Variants in JAM3 observed in about 807,000 individuals in gnomAD.
The protein encoded by JAM3 is junctional adhesion molecule 3.
In JAM3, 31 loss-of-function variants were observed where a neutral mutation model predicts 39.4. The observed-to-expected ratio is 0.79, with a 90% CI of 0.59 to 1.06. The LOEUF (loss-of-function observed/expected upper bound fraction) is 1.06. Among genes scored for constraint, JAM3 ranks in the 50% least tolerant of loss-of-function variants. The pLI, the probability that JAM3 is intolerant of heterozygous loss-of-function variation, is 0.00. For missense variants in JAM3, 455 were observed against 391.4 expected, an observed-to-expected ratio of 1.16 and a Z score of -1.37; for synonymous variants, 182 against 148.7, an observed-to-expected ratio of 1.22 and a Z score of -1.63.
intron 1 of JAM3, among the ~76,000 whole-genome samples, chr11:134,082,385 G>C (rs572007301): frequency 1.1e-3 from 167 of 152,304 alleles, no homozygotes; most frequent in Non-Finnish European, 2.2e-3. Flanking sequence ...TTTGGGAGGG[G>C]CCAGGGGTGG....
chr11:134,079,356 G>T (rs955186603), intron 1 of JAM3, among the ~76,000 whole-genome samples: 1 of 152,090 alleles, frequency 6.6e-6, no homozygotes, highest in Non-Finnish European at 1.5e-5. Flanking sequence ...AGACATTCAG[G>T]GACAAAATAC....
At chr11:134,119,354 G>C (rs146297665) in intron 1 of JAM3, among the ~76,000 whole-genome samples, 27 of 152,326 alleles carry the variant, frequency 1.8e-4, no homozygotes, top group African/African-American at 6.3e-4. Flanking sequence ...ACATGGTACT[G>C]CTCTGACTCA....
intron 1 of JAM3, among the ~76,000 whole-genome samples, chr11:134,078,151 G>A (rs532989897): frequency 5.3e-5 from 8 of 151,764 alleles, no homozygotes; most frequent in East Asian, 2.0e-4. Context: ...CTGGAGTCTC[G>A]CTCTGTTGCC....
chr11:134,069,114 C>T lies in JAM3; in HGVS notation c.31C>T (p.Leu11Phe), dbSNP rs1246556822. The change falls in exon 1 of 9, where the codon CTC becomes TTC. Residue 11 changes from leucine to phenylalanine, a missense_variant. Physicochemically the swap from Leu to Phe is conservative, Grantham distance 22 (BLOSUM62 0). Coordinates refer to ENST00000299106, the MANE Select transcript of JAM3 (RefSeq NM_032801.5). MALRRPPRLR[L>F]CARLPDFFLL... ...GCTGAGGCGGCCACCGCGACTCCGG[C>T]TCTGCGCTCGGCTGCCTGACTTCTT... The T allele has an allele frequency of 6.2e-7, 1 of 1,612,386 alleles. No homozygotes were observed. The highest frequency in any genetic ancestry group is 1.3e-5 in the African/African-American group (1 of 74,772).
chr11:134,079,282 A>G (rs542821098), intron 1 of JAM3, among the ~76,000 whole-genome samples: 1 of 152,322 alleles, frequency 6.6e-6, no homozygotes, highest in East Asian at 1.9e-4. Flanking sequence ...AATTATAGCT[A>G]TTCCACACTA....
At chr11:134,075,716 C>G (rs767087441) in intron 1 of JAM3, among the ~76,000 whole-genome samples, 1 of 152,122 alleles carries the variant, frequency 6.6e-6, no homozygotes, top group Non-Finnish European at 1.5e-5. Flanking sequence ...CATACACCAC[C>G]ATGCCCTCCC....
At chr11:134,129,561 C>G (rs1942724606) in intron 1 of JAM3, among the ~76,000 whole-genome samples, 1 of 151,934 alleles carries the variant, frequency 6.6e-6, no homozygotes, top group Admixed American at 6.6e-5. Context: ...GTCATTGGTC[C>G]CTAGATAGCA....
chr11:134,111,219 C>T (rs1286912335), intron 1 of JAM3, among the ~76,000 whole-genome samples: 2 of 144,848 alleles, frequency 1.4e-5, no homozygotes, highest in South Asian at 2.2e-4. Flanking sequence ...TCTCGGCTCA[C>T]TGCAAGCTTC....
Position 134,150,224 on chromosome 11 carries a change from T to C in JAM3, c.*1043T>C, listed in dbSNP as rs973849631. 2.0e-5 allele frequency: 3 copies of C among 152,306 alleles called. No individual in the cohort carries two copies. Among genetic ancestry groups the C allele is most frequent in the African/African-American group, 7.2e-5 (3 of 41,458 alleles). The allele number at this position is 152,306 out of a possible 1,614,324, so 9.4% of individuals were successfully genotyped here. A position where few individuals can be genotyped will look rare whatever the true frequency, so the allele number is the denominator to read the frequency against. ...AGACCATAGTTGCTTAGGAAACCTT[T>C]AAAAATTCCAGTTAAGCAATGTTGA... On this transcript the variant is annotated 3_prime_UTR_variant, in exon 9 of 9. Coordinates refer to ENST00000299106, the MANE Select transcript of JAM3 (RefSeq NM_032801.5).
At chr11:134,113,435 A>C (rs534513586) in intron 1 of JAM3, among the ~76,000 whole-genome samples, 1 of 152,230 alleles carries the variant, frequency 6.6e-6, no homozygotes, top group South Asian at 2.1e-4. Context: ...GAGTGAGAAC[A>C]CGCGGTGTTT....
intron 1 of JAM3, among the ~76,000 whole-genome samples, chr11:134,105,530 G>T (rs1409243128): frequency 3.9e-5 from 6 of 152,026 alleles, no homozygotes; most frequent in Non-Finnish European, 5.9e-5. Context: ...AGAAATAAAG[G>T]GTATTCAATT....
At chr11:134,112,111 G>A (rs1421906554) in intron 1 of JAM3, among the ~76,000 whole-genome samples, 1 of 152,212 alleles carries the variant, frequency 6.6e-6, no homozygotes, top group African/African-American at 2.4e-5. Flanking sequence ...TATTGAGACA[G>A]AGCCTCGCTC....
chr11:134,139,594 G>C (rs1209269627), intron 1 of JAM3: 1 of 500,452 alleles, frequency 2.0e-6, no homozygotes, highest in Non-Finnish European at 3.6e-6. Flanking sequence ...AAAGCTCTGA[G>C]GGCTTTGTTC....
intron 1 of JAM3, among the ~76,000 whole-genome samples, chr11:134,096,504 T>A (rs970670898): frequency 2.0e-5 from 3 of 152,192 alleles, no homozygotes; most frequent in African/African-American, 7.2e-5. Flanking sequence ...AGTGTTTTAT[T>A]ATGTTATGTT....
chr11:134,115,095 TTTA>T (rs1371127353), intron 1 of JAM3, among the ~76,000 whole-genome samples: 4 of 152,244 alleles, frequency 2.6e-5, no homozygotes, highest in African/African-American at 9.6e-5. Context: ...GATTTTTAAA[TTTA>T]TTGTTATGAA....
At chr11:134,108,818 A>G (rs1251876498) in intron 1 of JAM3, among the ~76,000 whole-genome samples, 1 of 152,202 alleles carries the variant, frequency 6.6e-6, no homozygotes, top group Non-Finnish European at 1.5e-5. Context: ...ACAGAGGTAA[A>G]TCAATAAACC....
At chr11:134,128,018 G>T (rs963090037) in intron 1 of JAM3, among the ~76,000 whole-genome samples, 7 of 152,094 alleles carry the variant, frequency 4.6e-5, no homozygotes, top group African/African-American at 1.2e-4. Flanking sequence ...TCAAACAGTG[G>T]TTTTTTTGTT....
intron 5 of JAM3, 157 bp downstream of exon 5, chr11:134,145,151 T>C (rs1943049010): frequency 1.6e-6 from 1 of 622,666 alleles, no homozygotes; most frequent in Non-Finnish European, 2.9e-6. Context: ...ATGACCCTTC[T>C]TCCTTTTATA....
At chr11:134,140,634 T>A (rs1942956983) in intron 2 of JAM3, 23 bp from the exon 3 acceptor site, 1 of 1,590,272 alleles carries the variant, frequency 6.3e-7, no homozygotes, top group South Asian at 1.1e-5. Flanking sequence ...CACCGAGAGC[T>A]CTTTTTCTTC....
Sources: gnomAD v4.1 joint callset for allele counts (sites outside exome capture counted in the v4.1 genomes callset) on GRCh38, gnomAD v4.1.1 for gene constraint, MANE v1.5 for transcripts, NCBI Gene and HGNC (gene_info 2026-07-23, HGNC 2026-07-21) for gene names.